Variants in DCP1A observed in about 807,000 individuals in gnomAD.
DCP1A encodes mRNA-decapping enzyme 1A.
Under a neutral mutation model 58.0 loss-of-function variants are expected in DCP1A, and 20 were observed. That is an observed-to-expected ratio of 0.34 (90% CI 0.24 to 0.50). The LOEUF is 0.50. Among genes scored for constraint, DCP1A ranks in the 20% least tolerant of loss-of-function variants. The pLI is 0.98. For missense variants in DCP1A, 613 were observed against 712.2 expected, an observed-to-expected ratio of 0.86 and a Z score of 1.59; for synonymous variants, 285 against 275.1, an observed-to-expected ratio of 1.04 and a Z score of -0.36.
intron 6 of DCP1A, among the ~76,000 whole-genome samples, chr3:53,295,190 G>A (rs1707079211): frequency 1.3e-5 from 2 of 152,162 alleles, no homozygotes; most frequent in South Asian, 4.1e-4. Flanking sequence ...CCTGGTATGA[G>A]GACAGCATCA....
intron 6 of DCP1A, 29 bp from the exon 7 acceptor site, chr3:53,292,856 A>G (rs1222139198): frequency 1.3e-6 from 2 of 1,579,906 alleles, no homozygotes; most frequent in African/African-American, 2.7e-5. Flanking sequence ...CACCCAGTCA[A>G]AGAGGTCTGT....
At chr3:53,299,542 G>A (rs1477346363) in intron 6 of DCP1A, among the ~76,000 whole-genome samples, 2 of 152,152 alleles carry the variant, frequency 1.3e-5, no homozygotes, top group East Asian at 3.8e-4. Flanking sequence ...TGTCTGTTTG[G>A]AGCTACTGGT....
At position 53,285,162 on chromosome 3, in the gene DCP1A, G is replaced by GT. The variant is rs1706586520; in HGVS notation, c.*2417_*2418insA. On this transcript the variant is annotated 3_prime_UTR_variant, in exon 10 of 10. Coordinates refer to ENST00000610213, the MANE Select transcript of DCP1A (RefSeq NM_018403.7). ...AAATGGACAGAGTGGTCTAAATGCAGGTCTCCTGGGGTTCTGCGAAATCTA... is the reference window on the plus strand; with the variant it reads ...AAATGGACAGAGTGGTCTAAATGCAGTGTCTCCTGGGGTTCTGCGAAATCTA... 1 of 152,088 alleles carries GT rather than the reference G, an allele frequency of 6.6e-6. No homozygotes were observed. The highest frequency in any genetic ancestry group is 6.6e-5 in the Admixed American group (1 of 15,250). 9.4% of individuals were successfully genotyped at this position (152,088 alleles called of 1,614,324 possible). A position where few individuals can be genotyped will look rare whatever the true frequency, so the allele number is the denominator to read the frequency against.
intron 3 of DCP1A, among the ~76,000 whole-genome samples, chr3:53,333,451 T>C (rs781944928): frequency 4.6e-5 from 7 of 151,848 alleles, no homozygotes; most frequent in Non-Finnish European, 7.4e-5. Flanking sequence ...GCCAGCAGGG[T>C]TTTTTATATG....
chr3:53,331,679 T>C (rs2089006857), intron 3 of DCP1A, among the ~76,000 whole-genome samples: 1 of 152,230 alleles, frequency 6.6e-6, no homozygotes, highest in South Asian at 2.1e-4. Context: ...TACTTTATTA[T>C]TGATTCACAT....
chr3:53,342,176 T>A lies in DCP1A; in HGVS notation c.272A>T (p.His91Leu). The change falls in exon 3 of 10, where the codon CAT becomes CTT. Residue 91 changes from histidine to leucine, a missense_variant. Physicochemically the swap from His to Leu is moderately conservative, Grantham distance 99. Coordinates refer to ENST00000610213, the MANE Select transcript of DCP1A (RefSeq NM_018403.7). ...PVNKDLEFQL[H>L]EPFLLYRNAS... Reference sequence around the variant, plus strand: ...ATTTCTATACAGAAGAAATGGTTCATGGAGCTGAAATTCCAAATCTTTATT... The same window carrying A: ...ATTTCTATACAGAAGAAATGGTTCAAGGAGCTGAAATTCCAAATCTTTATT... 6.2e-7 allele frequency: 1 copy of A among 1,604,380 alleles called. No homozygotes were observed. The highest frequency in any genetic ancestry group is 8.5e-7 in the Non-Finnish European group (1 of 1,174,468).
chr3:53,321,546 C>A (rs1707966393), intron 3 of DCP1A, among the ~76,000 whole-genome samples: 1 of 151,950 alleles, frequency 6.6e-6, no homozygotes, highest in Non-Finnish European at 1.5e-5. Flanking sequence ...ATGGTGAAAC[C>A]CCGTCTCTAC....
intron 4 of DCP1A, among the ~76,000 whole-genome samples, chr3:53,313,817 C>G (rs1707721498): frequency 6.6e-6 from 1 of 151,650 alleles, no homozygotes. Context: ...AAGAGGTGAA[C>G]AGAGATGGCT....
At chr3:53,336,982 T>C (rs1400333262) in intron 3 of DCP1A, among the ~76,000 whole-genome samples, 1 of 152,102 alleles carries the variant, frequency 6.6e-6, no homozygotes, top group Non-Finnish European at 1.5e-5. Context: ...GCGATTCTCC[T>C]GCCTAGCCTC....
chr3:53,339,535 G>C (rs1553692324), intron 3 of DCP1A, among the ~76,000 whole-genome samples: 1 of 152,070 alleles, frequency 6.6e-6, no homozygotes, highest in Non-Finnish European at 1.5e-5. Flanking sequence ...CTGGATATCT[G>C]CTTGATTTTC....
chr3:53,309,975 G>A (rs1297092144), intron 5 of DCP1A, among the ~76,000 whole-genome samples: 2 of 152,180 alleles, frequency 1.3e-5, no homozygotes, highest in Non-Finnish European at 2.9e-5. Context: ...GCAGCTGAAG[G>A]GAGCCCATCC....
rs529715751 is a variant in DCP1A, at chr3:53,318,433, G to A, written c.371+974C>T. 2.0e-5 allele frequency among the ~76,000 whole-genome samples: 3 copies of A among 152,350 alleles called. No homozygotes were observed. In the South Asian group the frequency reaches 6.2e-4, roughly 32 times the overall value. ...GAGCAAAAGGAATTTTGATTTGACA[G>A]ATGGGGATGGTGGAGGGGGGAGAGA... On this transcript the variant is annotated intron_variant, in intron 4 of 9. Coordinates refer to ENST00000610213, the MANE Select transcript of DCP1A (RefSeq NM_018403.7).
intron 3 of DCP1A, among the ~76,000 whole-genome samples, chr3:53,327,332 T>C (rs1246131754): frequency 6.6e-6 from 1 of 152,226 alleles, no homozygotes; most frequent in Non-Finnish European, 1.5e-5. Context: ...ATGTCTTACC[T>C]ACAATTCTGG....
intron 6 of DCP1A, 65 bp downstream of exon 6, chr3:53,304,109 CATT>C (rs1313762043): frequency 1.7e-6 from 2 of 1,191,486 alleles, no homozygotes; most frequent in African/African-American, 3.0e-5. Context: ...AACTTGCACT[CATT>C]AGAATCCTTA....
chr3:53,309,454 T>C (rs2106830417), intron 5 of DCP1A, among the ~76,000 whole-genome samples: 1 of 152,046 alleles, frequency 6.6e-6, no homozygotes, highest in East Asian at 1.9e-4. Context: ...ATTATACAGA[T>C]TTTTAATTTT....
In DCP1A at chr3:53,292,111, C is replaced by T. The variant is rs782311069; in HGVS notation, c.1341G>A (p.Ala447=). ...CCATGTTGCTCAGGGAGGCTGAGGC[C>T]GCCACTCTTGCTGCTGCTGTCTTAG... ...PPSKTAAARV[A]ASASLSNMVL... Residue 447 remains alanine, a synonymous_variant, in exon 7 of 10, where the codon GCG becomes GCA. Coordinates refer to ENST00000610213, the MANE Select transcript of DCP1A (RefSeq NM_018403.7). The T allele has an allele frequency of 1.3e-5, 21 of 1,613,452 alleles. No individual in the cohort carries two copies. Among genetic ancestry groups the T allele is most frequent in the Non-Finnish European group, 1.8e-5 (21 of 1,179,800 alleles).
chr3:53,346,983 TA>T (rs2106908241), intron 1 of DCP1A, among the ~76,000 whole-genome samples: 1 of 152,252 alleles, frequency 6.6e-6, no homozygotes, highest in East Asian at 1.9e-4. Context: ...GTTTATTTTA[TA>T]GATAATGTAC....
At chr3:53,315,015 G>A (rs1016707317) in intron 4 of DCP1A, among the ~76,000 whole-genome samples, 12 of 152,108 alleles carry the variant, frequency 7.9e-5, no homozygotes, top group African/African-American at 2.7e-4. Context: ...GAAAGCAGAA[G>A]CTGTCGGGGG....
intron 1 of DCP1A, 58 bp from the exon 2 acceptor site, chr3:53,345,000 C>A: frequency 7.7e-7 from 1 of 1,299,848 alleles, no homozygotes; most frequent in South Asian, 1.3e-5. Context: ...CCCAAATAGT[C>A]CCCATGGAGA....
Sources: gnomAD v4.1 joint callset for allele counts (sites outside exome capture counted in the v4.1 genomes callset) on GRCh38, gnomAD v4.1.1 for gene constraint, MANE v1.5 for transcripts, NCBI Gene and HGNC (gene_info 2026-07-23, HGNC 2026-07-21) for gene names.